GRID2: variants seen among roughly 807,000 people sequenced by gnomAD.
The protein encoded by GRID2 is glutamate receptor ionotropic, delta-2.
GRID2 carries 33 observed loss-of-function variants against 114.8 expected under a neutral mutation model. The observed-to-expected ratio is 0.29, with a 90% CI of 0.22 to 0.38. The LOEUF (loss-of-function observed/expected upper bound fraction) is 0.38, where lower values mean the gene tolerates loss of function less well. Among genes scored for constraint, GRID2 ranks in the 10% least tolerant of loss-of-function variants. GRID2 has a pLI of 1.00. For synonymous variants in GRID2, 505 were observed against 449.9 expected (o/e 1.12, Z -1.55); for missense variants, 1,184 against 1,257.7 (o/e 0.94, Z 0.89).
intron 1 of GRID2, among the ~76,000 whole-genome samples, chr4:92,379,141 C>A (rs1358795019): frequency 6.6e-6 from 1 of 151,694 alleles, no homozygotes; most frequent in Non-Finnish European, 1.5e-5. Flanking sequence ...TTATTCAAAT[C>A]AAATATTTAA....
At chr4:92,582,694 G>C (rs1728238376) in intron 1 of GRID2, among the ~76,000 whole-genome samples, 1 of 151,804 alleles carries the variant, frequency 6.6e-6, no homozygotes, top group South Asian at 2.1e-4. Flanking sequence ...TGGGTGTTGT[G>C]GCTTATGCCT....
intron 2 of GRID2, among the ~76,000 whole-genome samples, chr4:92,997,160 T>G (rs1055871533): frequency 6.6e-6 from 1 of 152,216 alleles, no homozygotes; most frequent in Non-Finnish European, 1.5e-5. Context: ...GTAGGAGTTA[T>G]GTGGCAACAT....
intron 2 of GRID2, among the ~76,000 whole-genome samples, chr4:92,996,639 C>T (rs917871047): frequency 8.6e-5 from 13 of 152,018 alleles, no homozygotes; most frequent in African/African-American, 1.2e-4. Flanking sequence ...AGTCAGGAGC[C>T]GGAAAATTCT....
chr4:93,549,956 A>T (rs1461420913), intron 13 of GRID2, among the ~76,000 whole-genome samples: 1 of 152,108 alleles, frequency 6.6e-6, no homozygotes, highest in Non-Finnish European at 1.5e-5. Flanking sequence ...TAAATTACTC[A>T]CTGTCCCTGA....
At chr4:93,073,961 G>A (rs1005396027) in intron 2 of GRID2, among the ~76,000 whole-genome samples, 1 of 152,222 alleles carries the variant, frequency 6.6e-6, no homozygotes, top group Admixed American at 6.5e-5. Flanking sequence ...CACAACAGAT[G>A]TCTACCACAG....
chr4:92,849,871 C>T (rs1329883837), intron 2 of GRID2, among the ~76,000 whole-genome samples: 1 of 151,546 alleles, frequency 6.6e-6, no homozygotes, highest in Non-Finnish European at 1.5e-5. Context: ...ATTGAAATTT[C>T]CAGAAATCTA....
intron 1 of GRID2, among the ~76,000 whole-genome samples, chr4:92,519,684 G>T (rs145241112): frequency 6.5e-4 from 98 of 151,680 alleles, no homozygotes; most frequent in African/African-American, 2.2e-3. Context: ...TTATAAAAAA[G>T]AATAAGTCCC....
chr4:93,614,599 AAAC>A (rs1741394481), intron 13 of GRID2, among the ~76,000 whole-genome samples: 1 of 152,174 alleles, frequency 6.6e-6, no homozygotes, highest in African/African-American at 2.4e-5. Context: ...AATGCTATAT[AAAC>A]AACAGGACGA....
At chr4:93,286,276 C>G (rs762294617) in intron 8 of GRID2, among the ~76,000 whole-genome samples, 1 of 151,882 alleles carries the variant, frequency 6.6e-6, no homozygotes, top group African/African-American at 2.4e-5. Flanking sequence ...ATAAATGAAC[C>G]AATTGTAGCC....
chr4:93,792,100 A>G (rs750754490), intron 1 of GRID2, among the ~76,000 whole-genome samples: 8 of 152,234 alleles, frequency 5.3e-5, no homozygotes, highest in Non-Finnish European at 1.0e-4. Context: ...AAATGAAAAG[A>G]AATGGAAATA....
At chr4:92,682,022 G>GATAATAAAT (rs1553916254) in intron 2 of GRID2, among the ~76,000 whole-genome samples, 1 of 151,678 alleles carries the variant, frequency 6.6e-6, no homozygotes, top group Non-Finnish European at 1.5e-5. Context: ...ATTCAAAGGA[G>GATAATAAAT]AGTAAATAAT....
chr4:92,694,882 T>C (rs1398344924), intron 2 of GRID2, among the ~76,000 whole-genome samples: 1 of 152,206 alleles, frequency 6.6e-6, no homozygotes, highest in Non-Finnish European at 1.5e-5. Flanking sequence ...CTAATGTTTA[T>C]AATTTACCAA....
At chr4:93,704,399 G>C (rs529679167) in intron 14 of GRID2, among the ~76,000 whole-genome samples, 17 of 152,082 alleles carry the variant, frequency 1.1e-4, no homozygotes, top group African/African-American at 3.4e-4. Context: ...GATATTAGCC[G>C]TTTGTCAGAT....
chr4:93,367,957 T>C (rs1405967248), intron 8 of GRID2, among the ~76,000 whole-genome samples: 1 of 151,906 alleles, frequency 6.6e-6, no homozygotes, highest in East Asian at 1.9e-4. Flanking sequence ...TTACAGAAAA[T>C]CTATATAAAG....
chr4:93,751,823 G>A (rs1253583941), intron 14 of GRID2, among the ~76,000 whole-genome samples: 1 of 152,136 alleles, frequency 6.6e-6, no homozygotes, highest in Non-Finnish European at 1.5e-5. Flanking sequence ...AACCCGGCTT[G>A]CCCTCCTAAA....
At chr4:93,246,283 A>G (rs1474876029) in intron 8 of GRID2, among the ~76,000 whole-genome samples, 1 of 152,044 alleles carries the variant, frequency 6.6e-6, no homozygotes, top group East Asian at 1.9e-4. Flanking sequence ...AATAGAGAGA[A>G]TCTAGAAAAT....
chr4:92,315,903 G>A (rs1437289207), intron 1 of GRID2, among the ~76,000 whole-genome samples: 2 of 149,472 alleles, frequency 1.3e-5, no homozygotes, highest in Non-Finnish European at 3.0e-5. Context: ...CCAGGAAGTG[G>A]AGGTTGCAGT....
At chr4:92,477,038 C>CGT (rs1722344746) in intron 1 of GRID2, among the ~76,000 whole-genome samples, 2 of 104,812 alleles carry the variant, frequency 1.9e-5, no homozygotes, top group African/African-American at 3.3e-5. Context: ...GATTTAACTT[C>CGT]ATGTGTGTGT....
chr4:92,473,233 T>A (rs1722129609), intron 1 of GRID2, among the ~76,000 whole-genome samples: 1 of 152,128 alleles, frequency 6.6e-6, no homozygotes, highest in Non-Finnish European at 1.5e-5. Flanking sequence ...AGATTCTCCA[T>A]TCTACTTTAT....
Sources: gnomAD v4.1 joint callset for allele counts (sites outside exome capture counted in the v4.1 genomes callset) on GRCh38, gnomAD v4.1.1 for gene constraint, MANE v1.5 for transcripts, NCBI Gene and HGNC (gene_info 2026-07-23, HGNC 2026-07-21) for gene names.